SCAF8: variants seen among roughly 807,000 people sequenced by gnomAD.
The protein encoded by SCAF8 is SR-related CTD associated factor 8.
In SCAF8, 23 loss-of-function variants were observed where a neutral mutation model predicts 140.5. The observed-to-expected ratio is 0.16, with a 90% confidence interval of 0.12 to 0.23. The LOEUF is 0.23. SCAF8 is among the 10% of genes least tolerant of loss of function. SCAF8 has a pLI of 1.00. For synonymous variants in SCAF8, 575 were observed against 528.9 expected (o/e 1.09, Z -1.20); for missense variants, 1,397 against 1,555.7 (o/e 0.90, Z 1.72).
chr6:154,811,181 G>T (rs1012193980), intron 12 of SCAF8, among the ~76,000 whole-genome samples: 1 of 152,072 alleles, frequency 6.6e-6, no homozygotes, highest in African/African-American at 2.4e-5. Context: ...TAGGGTGATG[G>T]TATACATCTA....
At chr6:154,738,212 AAAG>A (rs982252400) in intron 1 of SCAF8, among the ~76,000 whole-genome samples, 10 of 152,000 alleles carry the variant, frequency 6.6e-5, no homozygotes, top group African/African-American at 2.2e-4. Context: ...AAAAAAAAGA[AAAG>A]AAAACCCCAA....
chr6:154,821,840 A>G (rs1375781668), intron 15 of SCAF8, among the ~76,000 whole-genome samples: 2 of 152,226 alleles, frequency 1.3e-5, no homozygotes, highest in African/African-American at 4.8e-5. Context: ...GAAGCATGAG[A>G]GAGGAACCAT....
intron 1 of SCAF8, among the ~76,000 whole-genome samples, chr6:154,744,277 G>A (rs1272689679): frequency 6.6e-6 from 1 of 152,170 alleles, no homozygotes; most frequent in African/African-American, 2.4e-5. Context: ...GGGCAACAGA[G>A]CAAGACTCTG....
At chr6:154,815,422 G>A (rs1453114626) in intron 12 of SCAF8, among the ~76,000 whole-genome samples, 2 of 152,192 alleles carry the variant, frequency 1.3e-5, no homozygotes, top group African/African-American at 4.8e-5. Flanking sequence ...CTTTGACACT[G>A]CATGCCACTC....
chr6:154,788,770 A>G lies in SCAF8; in HGVS notation c.321+748A>G, dbSNP rs947343081. ...TAAGATCCAAATGTGTAAATATTCT[A>G]TAAATAGCAAGTAAAAAAGCTTTGG... is the stretch of plus-strand genomic sequence containing the variant. On this transcript the variant is annotated intron_variant, in intron 4 of 19. Coordinates refer to ENST00000367178, the MANE Select transcript of SCAF8 (RefSeq NM_014892.5). 3.9e-5 allele frequency among the ~76,000 whole-genome samples: 6 copies of G among 152,350 alleles called. No homozygotes were observed. The South Asian group carries it at 6.2e-4, about 16-fold the overall frequency.
intron 16 of SCAF8, among the ~76,000 whole-genome samples, 189 bp downstream of exon 16, chr6:154,822,598 A>G (rs759021368): frequency 2.6e-5 from 4 of 152,230 alleles, no homozygotes; most frequent in Admixed American, 2.0e-4. Context: ...TCATTGTGCT[A>G]TAAACACCTT....
At chr6:154,813,985 A>G (rs989633565) in intron 12 of SCAF8, among the ~76,000 whole-genome samples, 4 of 152,248 alleles carry the variant, frequency 2.6e-5, no homozygotes, top group African/African-American at 7.2e-5. Context: ...CTTCAGAACT[A>G]TAAGAGAATA....
intron 12 of SCAF8, among the ~76,000 whole-genome samples, chr6:154,814,800 G>A (rs2114661025): frequency 6.6e-6 from 1 of 152,322 alleles, no homozygotes; most frequent in East Asian, 1.9e-4. Flanking sequence ...GGTGTCTCAT[G>A]TTTAATATTT....
At position 154,764,815 on chromosome 6, in the gene SCAF8, A is replaced by C. The variant is rs534568244; in HGVS notation, c.31-9174A>C. Among the ~76,000 whole-genome samples, 4 of 152,316 alleles carry C rather than the reference A, an allele frequency of 2.6e-5. No homozygotes were observed. The South Asian group carries it at 8.3e-4, about 32-fold the overall frequency. On this transcript the variant is annotated intron_variant, in intron 1 of 19. Coordinates refer to ENST00000367178, the MANE Select transcript of SCAF8 (RefSeq NM_014892.5). ...CTTTCATTCTTTTTCAGCGTTTTTC[A>C]GCGTAAAACCATGATTTTTTATCCT...
intron 4 of SCAF8, among the ~76,000 whole-genome samples, chr6:154,789,327 G>A (rs917921260): frequency 6.6e-6 from 1 of 151,888 alleles, no homozygotes; most frequent in South Asian, 2.1e-4. Context: ...TGGGTAGGCT[G>A]GTCTCAAATT....
chr6:154,793,061 G>A, intron 5 of SCAF8, 85 bp downstream of exon 5: 1 of 1,112,028 alleles, frequency 9.0e-7, no homozygotes. Flanking sequence ...TAATTCGACA[G>A]TGCAGGAAAA....
intron 8 of SCAF8, 59 bp downstream of exon 8, chr6:154,803,682 G>T: frequency 1.0e-6 from 1 of 982,908 alleles, no homozygotes; most frequent in South Asian, 1.4e-5. Context: ...GTTGCCATCT[G>T]AATTACTAAG....
At chr6:154,820,572 G>GT (rs1311732143) in intron 15 of SCAF8, among the ~76,000 whole-genome samples, 1 of 152,000 alleles carries the variant, frequency 6.6e-6, no homozygotes, top group East Asian at 1.9e-4. Context: ...ATATATGTGT[G>GT]TTTTTTTCAA....
intron 1 of SCAF8, among the ~76,000 whole-genome samples, chr6:154,762,112 A>G (rs1327768388): frequency 1.3e-5 from 2 of 152,232 alleles, no homozygotes; most frequent in East Asian, 1.9e-4. Context: ...AAAAGCATTC[A>G]CTTATTTCTT....
chr6:154,753,017 T>G (rs571288773), intron 1 of SCAF8, among the ~76,000 whole-genome samples: 29 of 150,142 alleles, frequency 1.9e-4, no homozygotes, highest in East Asian at 5.8e-4. Flanking sequence ...GTTTTGTTTT[T>G]TTTTTTAATT....
chr6:154,822,553 TTTAAA>T (rs2114678290), intron 16 of SCAF8, 144 bp downstream of exon 16: 1 of 847,896 alleles, frequency 1.2e-6, no homozygotes, highest in African/African-American at 1.7e-5. Context: ...GAATATTTCT[TTTAAA>T]TAAAAAAAAA....
Position 154,833,577 on chromosome 6 carries a change from G to A in SCAF8, c.*182G>A. 1 of 491,518 alleles carries A rather than the reference G, an allele frequency of 2.0e-6. No homozygotes were observed. The highest frequency in any genetic ancestry group is 3.4e-6 in the Non-Finnish European group (1 of 293,490). 30.4% of individuals were successfully genotyped at this position (491,518 alleles called of 1,614,324 possible). A position where few individuals can be genotyped will look rare whatever the true frequency, so the allele number is the denominator to read the frequency against. On this transcript the variant is annotated 3_prime_UTR_variant, in exon 20 of 20. Transcript: ENST00000367178. ...CTTGTATAGACATTGTTCTTAATAT[G>A]AACATGGTAGGTAAACTTTTTTTTT...
chr6:154,825,280 T>A (rs1320858439), intron 17 of SCAF8: 1 of 152,230 alleles, frequency 6.6e-6, no homozygotes, highest in African/African-American at 2.4e-5. Context: ...AAGCAAGTAC[T>A]GACCTAATAA....
intron 1 of SCAF8, among the ~76,000 whole-genome samples, chr6:154,761,463 A>T (rs1047156487): frequency 3.0e-4 from 45 of 152,132 alleles, no homozygotes; most frequent in Admixed American, 1.3e-4. Context: ...TCCATACTCC[A>T]GCCTGGGCAA....
Sources: allele counts gnomAD v4.1 joint callset (sites outside exome capture counted in the v4.1 genomes callset), GRCh38; gene constraint gnomAD v4.1.1; transcripts MANE v1.5; gene names NCBI Gene and HGNC (gene_info 2026-07-23, HGNC 2026-07-21).